The following MTA1 variants were observed in gnomAD, a reference collection of about 807,000 sequenced individuals.
MTA1 encodes metastasis associated 1, also known as metastasis-associated protein MTA1.
Under a neutral mutation model 97.0 loss-of-function variants are expected in MTA1, and 15 were observed. That is an observed-to-expected ratio of 0.15 (90% CI 0.10 to 0.24). MTA1 has a LOEUF of 0.24. Ranked by LOEUF, MTA1 falls within the 10% of genes least tolerant of loss-of-function variation. The pLI is 1.00. For synonymous variants in MTA1, 435 were observed against 417.5 expected (o/e 1.04, Z -0.51); for missense variants, 709 against 1,015.1 (o/e 0.70, Z 4.10).
In MTA1 at chr14:105,458,410, G is replaced by A. The variant is rs782705341; in HGVS notation, c.653+38G>A. The A allele has an allele frequency of 1.5e-5, 23 of 1,572,084 alleles. No homozygotes were observed. The South Asian group carries it at 1.8e-4, about 12-fold the overall frequency. On this transcript the variant is annotated intron_variant, in intron 8 of 20. Transcript: ENST00000331320. ...CCTGGGCAAGGCCAGCAGGGGTGGT[G>A]CCTGGAGCTTCTGTTCTCCCTTCCC...
intron 9 of MTA1, 110 bp downstream of exon 9, chr14:105,460,567 C>A: frequency 4.0e-6 from 5 of 1,244,192 alleles, no homozygotes; most frequent in Non-Finnish European, 5.5e-6. Flanking sequence ...ATTCAGGACC[C>A]CTGCAGAGGT....
rs587635485 is a variant in MTA1, at chr14:105,419,883, TCGGCGGCGGCGGCGG to T, written c.-139_-125del. 7 of 182,602 alleles carry T rather than the reference TCGGCGGCGGCGGCGG, an allele frequency of 3.8e-5. No homozygotes were observed. The highest frequency in any genetic ancestry group is 1.7e-4 in the South Asian group (1 of 5,888). The allele number at this position is 182,602 out of a possible 1,614,324, so 11.3% of individuals were successfully genotyped here. ...CCGTCCCTGCGCGGCCTCGGCGGCC[TCGGCGGCGGCGGCGG>T]CGGCGGCGGCGGCAGCAGCGCGGCC... On this transcript the variant is annotated 5_prime_UTR_variant, in exon 1 of 21. Transcript: ENST00000331320.
chr14:105,427,063 C>T (rs1042412122), intron 1 of MTA1, among the ~76,000 whole-genome samples: 9 of 152,174 alleles, frequency 5.9e-5, no homozygotes, highest in East Asian at 3.9e-4. Flanking sequence ...CCACGGGCAC[C>T]GCCCTGCCGC....
intron 6 of MTA1, among the ~76,000 whole-genome samples, 166 bp downstream of exon 6, chr14:105,450,490 T>G (rs2082883032): frequency 6.6e-6 from 1 of 152,184 alleles, no homozygotes; most frequent in Non-Finnish European, 1.5e-5. Flanking sequence ...CACTTCCAGG[T>G]GTCCTGGTGT....
At chr14:105,427,669 G>A (rs1257882655) in intron 1 of MTA1, among the ~76,000 whole-genome samples, 1 of 152,080 alleles carries the variant, frequency 6.6e-6, no homozygotes, top group African/African-American at 2.4e-5. Flanking sequence ...TTTATGGAAC[G>A]TAATTACTGC....
intron 1 of MTA1, among the ~76,000 whole-genome samples, chr14:105,430,629 C>A (rs191514651): frequency 6.6e-6 from 1 of 152,290 alleles, no homozygotes; most frequent in East Asian, 1.9e-4. Context: ...AACACAATAC[C>A]TGCAAAGCAT....
chr14:105,459,930 C>G (rs1409753694), intron 8 of MTA1, among the ~76,000 whole-genome samples: 2 of 42,430 alleles, frequency 4.7e-5, no homozygotes, highest in Admixed American at 2.7e-4. Context: ...TGGTCCCTGG[C>G]GCCTGGGGAG....
intron 14 of MTA1, 43 bp downstream of exon 14, chr14:105,464,610 G>T: frequency 6.2e-7 from 1 of 1,610,584 alleles, no homozygotes; most frequent in Non-Finnish European, 8.5e-7. Flanking sequence ...GAGCCTGTCG[G>T]CCACGCGGGT....
At chr14:105,467,127 G>A (rs930424098) in intron 18 of MTA1, 7 of 391,272 alleles carry the variant, frequency 1.8e-5, no homozygotes, top group Non-Finnish European at 3.4e-5. Context: ...AGTGGGGAGG[G>A]TGGTCGGGGG....
In MTA1 at chr14:105,422,914, G is replaced by C. The variant is rs1245858739; in HGVS notation, c.28+2851G>C. Among the ~76,000 whole-genome samples the C allele has an allele frequency of 1.3e-5, 2 of 152,204 alleles. No individual in the cohort carries two copies. The highest frequency in any genetic ancestry group is 2.9e-5 in the Non-Finnish European group (2 of 68,024). ...GGCCTGGGCAAGGGTGGCGGGGTCAGGGTTCCCTGACCTCTGCTTCTCAAG... is the reference window on the plus strand; with the variant it reads ...GGCCTGGGCAAGGGTGGCGGGGTCACGGTTCCCTGACCTCTGCTTCTCAAG... On this transcript the variant is annotated intron_variant, in intron 1 of 20. Coordinates refer to ENST00000331320, the MANE Select transcript of MTA1 (RefSeq NM_004689.4). This position sits in a 1 kb window ranked among gnomAD's most constrained non-coding sequence, Gnocchi z 4.3.
chr14:105,439,797 G>A (rs587702564), intron 2 of MTA1, among the ~76,000 whole-genome samples: 1 of 152,286 alleles, frequency 6.6e-6, no homozygotes, highest in African/African-American at 2.4e-5. Context: ...CCACTCGGCA[G>A]GCCTGGGGCA....
Position 105,422,894 on chromosome 14 carries a change from G to A in MTA1, c.28+2831G>A, listed in dbSNP as rs1760333650. On this transcript the variant is annotated intron_variant, in intron 1 of 20. Coordinates refer to ENST00000331320, the MANE Select transcript of MTA1 (RefSeq NM_004689.4). The surrounding 1 kb of genome is among the most constrained non-coding windows in gnomAD (Gnocchi z 4.3). ...TGCCTGTGAGGGCAGCGGATGGCCT[G>A]GGCAAGGGTGGCGGGGTCAGGGTTC... is the stretch of plus-strand genomic sequence containing the variant. Among the ~76,000 whole-genome samples, 1 of 152,184 alleles carries A rather than the reference G, an allele frequency of 6.6e-6. No homozygotes were observed. The highest frequency in any genetic ancestry group is 6.5e-5 in the Admixed American group (1 of 15,280).
intron 7 of MTA1, among the ~76,000 whole-genome samples, chr14:105,456,702 G>A (rs1228040949): frequency 6.6e-6 from 1 of 152,192 alleles, no homozygotes; most frequent in African/African-American, 2.4e-5. Context: ...GCGCATACAC[G>A]GAGGCACCAT....
In MTA1 at chr14:105,470,081, C is replaced by T; in HGVS notation, c.2014C>T (p.Leu672Phe). ...TEETRKIRKL[L>F]SSSETKRAAR... The stretch of plus-strand genomic sequence containing the variant: ...TGCCCACAGGAAGATCCGCAAGCTG[C>T]TCTCATCCTCGGAAACCAAGCGTGC... The change falls in exon 21 of 21, where the codon CTC becomes TTC. Residue 672 changes from leucine (L) to phenylalanine (F), a missense_variant. Leu to Phe is a conservative substitution (Grantham distance 22, BLOSUM62 0). This residue lies in a region of MTA1 where 388 missense variants were observed against 421.6 expected (regional missense o/e 0.92). Transcript: ENST00000331320. 6.2e-7 allele frequency: 1 copy of T among 1,612,630 alleles called. No homozygotes were observed. Among genetic ancestry groups the T allele is most frequent in the Non-Finnish European group, 8.5e-7 (1 of 1,179,872 alleles).
chr14:105,452,696 G>A (rs2082990526), intron 6 of MTA1, among the ~76,000 whole-genome samples: 1 of 152,184 alleles, frequency 6.6e-6, no homozygotes, highest in South Asian at 2.1e-4. Flanking sequence ...AAAAATAAAA[G>A]ATCCAGGCAG....
At chr14:105,451,588 G>A (rs2082930562) in intron 6 of MTA1, among the ~76,000 whole-genome samples, 1 of 152,164 alleles carries the variant, frequency 6.6e-6, no homozygotes, top group African/African-American at 2.4e-5. Context: ...AAATGTATCT[G>A]TGGGCACAGA....
At chr14:105,429,627 ATT>A (rs1441691358) in intron 1 of MTA1, among the ~76,000 whole-genome samples, 1 of 144,076 alleles carries the variant, frequency 6.9e-6, no homozygotes, top group African/African-American at 2.6e-5. Flanking sequence ...AATTTTTTGT[ATT>A]TTTTTAGTAG....
At chr14:105,468,000 C>T (rs782116184) in intron 18 of MTA1, 78 of 295,990 alleles carry the variant, frequency 2.6e-4, no homozygotes, top group Non-Finnish European at 4.3e-4. Context: ...CCTGGCTGGG[C>T]GGGGCCCTGG....
intron 3 of MTA1, 107 bp from the exon 4 acceptor site, chr14:105,449,252 T>C: frequency 8.3e-7 from 1 of 1,198,718 alleles, no homozygotes; most frequent in Non-Finnish European, 1.2e-6. Context: ...CGGCCCCCGT[T>C]CTGCCCTGCC....
Sources: allele counts gnomAD v4.1 joint callset (sites outside exome capture counted in the v4.1 genomes callset), GRCh38; gene constraint gnomAD v4.1.1; regional missense constraint gnomAD v4.1.1; non-coding constraint Gnocchi (gnomAD v3.1); transcripts MANE v1.5; gene names NCBI Gene and HGNC (gene_info 2026-07-23, HGNC 2026-07-21).